DPH6: variants seen among roughly 807,000 people sequenced by gnomAD.
DPH6 encodes the protein diphthine--ammonia ligase.
A neutral mutation model predicts 38.2 loss-of-function variants in DPH6; 33 were observed. The ratio of observed to expected loss-of-function variants is 0.86; its 90% CI spans 0.65 to 1.15. DPH6 has a LOEUF of 1.15. Ranked by LOEUF, DPH6 falls within the 50% of genes most tolerant of loss-of-function variation. The pLI, the probability that DPH6 is intolerant of heterozygous loss-of-function variation, is 0.00. For missense variants in DPH6, 325 were observed against 320.0 expected (o/e 1.02, Z -0.12); for synonymous variants, 108 against 103.0 (o/e 1.05, Z -0.30).
intron 3 of DPH6, among the ~76,000 whole-genome samples, chr15:35,466,052 G>A (rs1000290539): frequency 6.6e-6 from 1 of 150,804 alleles, no homozygotes; most frequent in African/African-American, 2.4e-5. Context: ...AAGATAAGGT[G>A]GGGCCAGGCA....
At chr15:35,385,850 T>C (rs1471527274) in intron 6 of DPH6, among the ~76,000 whole-genome samples, 1 of 152,212 alleles carries the variant, frequency 6.6e-6, no homozygotes, top group Non-Finnish European at 1.5e-5. Flanking sequence ...TTTCACATTT[T>C]TTTTTATTAT....
At chr15:35,431,929 A>G (rs1477413194) in intron 5 of DPH6, among the ~76,000 whole-genome samples, 2 of 152,256 alleles carry the variant, frequency 1.3e-5, no homozygotes, top group African/African-American at 4.8e-5. Context: ...CGGGGACTAC[A>G]GGCGCCGGCC....
At chr15:35,176,689 T>C in the DPH6 span, among the ~76,000 whole-genome samples, 1 of 152,210 alleles carries the variant, frequency 6.6e-6, no homozygotes, top group Admixed American at 6.5e-5. Flanking sequence ...CAGGCTGGTC[T>C]CGAACTCCCA....
At chr15:35,278,350 T>G (rs2051873005) in intron 3 of DPH6, among the ~76,000 whole-genome samples, 2 of 152,226 alleles carry the variant, frequency 1.3e-5, no homozygotes, top group Admixed American at 1.3e-4. Flanking sequence ...AGTAAGCCTG[T>G]GGCTGCACAG....
chr15:35,388,012 G>A (rs1026806775), intron 6 of DPH6, among the ~76,000 whole-genome samples: 3 of 152,062 alleles, frequency 2.0e-5, no homozygotes, highest in African/African-American at 7.2e-5. Context: ...TTTGAGATAT[G>A]TCCCATCAAT....
At chr15:35,171,313 C>T in the DPH6 span, among the ~76,000 whole-genome samples, 18 of 152,224 alleles carry the variant, frequency 1.2e-4, no homozygotes, top group Non-Finnish European at 1.9e-4. Flanking sequence ...CTGCATCACA[C>T]TTGTGTGGTT....
chr15:35,185,130 T>G, the DPH6 span, among the ~76,000 whole-genome samples: 1 of 151,908 alleles, frequency 6.6e-6, no homozygotes, highest in East Asian at 1.9e-4. Context: ...AAAATAGTGC[T>G]CTCTAGTATT....
intron 5 of DPH6, among the ~76,000 whole-genome samples, chr15:35,429,738 A>T (rs1165357631): frequency 6.6e-6 from 1 of 152,162 alleles, no homozygotes; most frequent in Non-Finnish European, 1.5e-5. Context: ...TCTCTGAAAA[A>T]CTATATAAGG....
chr15:35,387,145 T>G (rs1347711572), intron 6 of DPH6, among the ~76,000 whole-genome samples: 2 of 152,310 alleles, frequency 1.3e-5, no homozygotes, highest in South Asian at 4.1e-4. Context: ...AAAGATCGGA[T>G]AGTTGTAGAC....
At chr15:35,229,298 T>G (rs768625040) in intron 3 of DPH6, among the ~76,000 whole-genome samples, 1 of 150,866 alleles carries the variant, frequency 6.6e-6, no homozygotes, top group Non-Finnish European at 1.5e-5. Flanking sequence ...TAATTCTTTC[T>G]TCTGCTTGAT....
intron 3 of DPH6, among the ~76,000 whole-genome samples, chr15:35,318,800 T>C (rs2140840401): frequency 6.6e-6 from 1 of 152,254 alleles, no homozygotes; most frequent in East Asian, 1.9e-4. Flanking sequence ...TTAAAAAATG[T>C]GTATAATGTA....
At chr15:35,283,757 T>TACACACACACACACACACAC (rs3028682) in intron 3 of DPH6, among the ~76,000 whole-genome samples, 7 of 140,498 alleles carry the variant, frequency 5.0e-5, no homozygotes, top group African/African-American at 1.8e-4. Flanking sequence ...GCACAGATAG[T>TACACACACACACACACACAC]ACACACACAC....
chr15:35,338,577 A>G lies in DPH6; in HGVS notation n.208-7500T>C, dbSNP rs1319226169. ...GGAGAAATAGGAACACTTTTACACT[A>G]TTGGTGGGACTGTAAACTAGTTCAA... On this transcript the variant is annotated intron_variant and non_coding_transcript_variant, in intron 3 of 3. Transcript: ENST00000558973. Among the ~76,000 whole-genome samples, 1,025 of 151,966 alleles carry G rather than the reference A, an allele frequency of 6.7e-3. 14 individuals carry two copies. The highest frequency in any genetic ancestry group is 0.023 in the African/African-American group (953 of 41,416).
the DPH6 span, among the ~76,000 whole-genome samples, chr15:35,179,545 A>G: frequency 2.0e-5 from 3 of 152,204 alleles, no homozygotes; most frequent in African/African-American, 7.2e-5. Flanking sequence ...TATGTGGGAG[A>G]AAAGGCGGTT....
chr15:35,282,999 A>ATGT, intron 3 of DPH6: 1 of 222,718 alleles, frequency 4.5e-6, no homozygotes, highest in Non-Finnish European at 9.5e-6. Flanking sequence ...TATCATCATC[A>ATGT]TCTTCTTCTT....
intron 3 of DPH6, among the ~76,000 whole-genome samples, chr15:35,350,321 TG>T (rs1299546800): frequency 9.7e-6 from 1 of 102,862 alleles, no homozygotes; most frequent in East Asian, 3.6e-4. Context: ...TACTGGAGTC[TG>T]TTTTTTTTTT....
the DPH6 span, among the ~76,000 whole-genome samples, chr15:35,155,863 C>T: frequency 2.0e-4 from 31 of 152,256 alleles, no homozygotes; most frequent in African/African-American, 7.2e-4. Context: ...AAGTAGACCA[C>T]TATTTTTTAA....
chr15:35,454,512 C>A (rs2053972367), intron 4 of DPH6, among the ~76,000 whole-genome samples: 1 of 151,924 alleles, frequency 6.6e-6, no homozygotes, highest in Non-Finnish European at 1.5e-5. Context: ...TGTCTCAATT[C>A]TATTATAGAT....
At chr15:35,456,571 T>A (rs2054000232) in intron 3 of DPH6, among the ~76,000 whole-genome samples, 1 of 151,540 alleles carries the variant, frequency 6.6e-6, no homozygotes, top group African/African-American at 2.4e-5. Flanking sequence ...CACTGCAACC[T>A]CCGCCTCCAG....
Sources: allele counts gnomAD v4.1 joint callset (sites outside exome capture counted in the v4.1 genomes callset), GRCh38; gene constraint gnomAD v4.1.1; transcripts MANE v1.5; gene names NCBI Gene and HGNC (gene_info 2026-07-23, HGNC 2026-07-21).